The following KIAA1217 variants were observed in gnomAD, a reference collection of about 807,000 sequenced individuals.
KIAA1217 encodes sickle tail protein homolog.
KIAA1217 carries 88 observed loss-of-function variants against 163.9 expected under a neutral mutation model. That is an observed-to-expected ratio of 0.54 (90% CI 0.45 to 0.64). The LOEUF is 0.64. Ranked by LOEUF, KIAA1217 falls within the 30% of genes least tolerant of loss-of-function variation. KIAA1217 has a pLI of 0.00. For missense variants in KIAA1217, 2,372 were observed against 2,475.0 expected (o/e 0.96, Z 0.88); for synonymous variants, 903 against 923.1 (o/e 0.98, Z 0.39).
chr10:23,860,845 T>C (rs1839918542), intron 1 of KIAA1217, among the ~76,000 whole-genome samples: 1 of 152,080 alleles, frequency 6.6e-6, no homozygotes, highest in African/African-American at 2.4e-5. Flanking sequence ...ATTTTTCTTT[T>C]TTTCTATTTT....
chr10:24,330,360 G>A (rs1487041988), intron 2 of KIAA1217, among the ~76,000 whole-genome samples: 1 of 151,912 alleles, frequency 6.6e-6, no homozygotes, highest in Non-Finnish European at 1.5e-5. Flanking sequence ...TTACCCTTTG[G>A]ACATTTTTTG....
intron 1 of KIAA1217, among the ~76,000 whole-genome samples, chr10:23,779,080 A>G (rs1453322817): frequency 6.6e-6 from 1 of 152,170 alleles, no homozygotes; most frequent in Admixed American, 6.6e-5. Flanking sequence ...TTTATAAGAT[A>G]ACTTTCCTGC....
At chr10:24,310,049 C>T (rs1255456604) in intron 2 of KIAA1217, among the ~76,000 whole-genome samples, 1 of 152,206 alleles carries the variant, frequency 6.6e-6, no homozygotes, top group Non-Finnish European at 1.5e-5. Context: ...GTGCTATCAC[C>T]TCCTGAGTTT....
In KIAA1217 at chr10:24,544,323, C is replaced by A. The variant is rs1262986972; in HGVS notation, c.5053C>A (p.Pro1685Thr). Residue 1685 changes from proline to threonine, a missense_variant, in exon 19 of 21, where the codon CCC (proline) becomes ACC (threonine). Physicochemically the swap from Pro to Thr is conservative, Grantham distance 38 (BLOSUM62 -1). This residue lies in a region of KIAA1217 where 690 missense variants were observed against 677.5 expected (regional missense o/e 1.02). Coordinates refer to ENST00000376454, the MANE Select transcript of KIAA1217 (RefSeq NM_019590.5). ...QLENTISEMS[P>T]KALVDTSCSS... ...CGAAAATACAATCAGTGAAATGAGT[C>A]CCAAAGCCCTAGTTGATACCTCATG... The A allele has an allele frequency of 6.2e-7, 1 of 1,614,092 alleles. No individual in the cohort carries two copies. Among genetic ancestry groups the A allele is most frequent in the Non-Finnish European group, 8.5e-7 (1 of 1,180,020 alleles).
At chr10:24,009,195 A>C (rs1275410458) in intron 2 of KIAA1217, among the ~76,000 whole-genome samples, 1 of 152,206 alleles carries the variant, frequency 6.6e-6, no homozygotes, top group Non-Finnish European at 1.5e-5. Context: ...TTAAAACTTA[A>C]CTGGCATCTT....
chr10:23,824,658 A>T (rs12765446), intron 1 of KIAA1217, among the ~76,000 whole-genome samples: 25,048 of 52,128 alleles, frequency 0.48, 7,875 homozygotes, highest in Non-Finnish European at 0.6. Context: ...AAATAAAAAA[A>T]ATATATATAT....
At chr10:23,893,361 A>G (rs551275685) in intron 1 of KIAA1217, among the ~76,000 whole-genome samples, 2 of 151,654 alleles carry the variant, frequency 1.3e-5, no homozygotes, top group Admixed American at 6.6e-5. Flanking sequence ...TTTTTATTGC[A>G]TCTATTTGAT....
chr10:23,940,673 A>T (rs959875151), intron 1 of KIAA1217, among the ~76,000 whole-genome samples: 7 of 152,150 alleles, frequency 4.6e-5, no homozygotes, highest in Non-Finnish European at 1.0e-4. Flanking sequence ...TTTTACTAAG[A>T]TAGGTCATAT....
intron 1 of KIAA1217, among the ~76,000 whole-genome samples, chr10:23,840,263 C>A (rs1009598283): frequency 1.3e-5 from 2 of 151,866 alleles, no homozygotes; most frequent in Non-Finnish European, 2.9e-5. Flanking sequence ...TCAAGCAATT[C>A]TTCTGCCTCA....
chr10:24,099,073 C>T (rs888008494), intron 2 of KIAA1217, among the ~76,000 whole-genome samples: 1 of 152,112 alleles, frequency 6.6e-6, no homozygotes, highest in Non-Finnish European at 1.5e-5. Context: ...TCTAATCTTG[C>T]CCAGGAGTCC....
intron 1 of KIAA1217, among the ~76,000 whole-genome samples, chr10:23,842,893 A>G (rs1374092906): frequency 6.6e-6 from 1 of 152,156 alleles, no homozygotes. Context: ...CACTGATATG[A>G]AAGGAATTAA....
At position 23,903,892 on chromosome 10, in the gene KIAA1217, C is replaced by T. The variant is rs563531070; in HGVS notation, c.-320-103333C>T. Among the ~76,000 whole-genome samples the T allele has an allele frequency of 2.2e-4, 34 of 152,248 alleles. 1 individual carries two copies. In the South Asian group the frequency reaches 4.6e-3, roughly 20 times the overall value. ...AAAAAGAAATGATTTCATACAATGTCAGCCATATATCTTCAGATTATCAAG... is the reference window on the plus strand; with the variant it reads ...AAAAAGAAATGATTTCATACAATGTTAGCCATATATCTTCAGATTATCAAG... On this transcript the variant is annotated intron_variant, in intron 1 of 18. Coordinates refer to the KIAA1217 transcript ENST00000376462.
At chr10:24,345,517 A>G (rs768345560) in intron 2 of KIAA1217, among the ~76,000 whole-genome samples, 4 of 152,240 alleles carry the variant, frequency 2.6e-5, no homozygotes, top group South Asian at 2.1e-4. Context: ...GAATAAATGA[A>G]TGAACCTAAG....
At chr10:23,949,142 A>T (rs1236731420) in intron 1 of KIAA1217, among the ~76,000 whole-genome samples, 1 of 152,202 alleles carries the variant, frequency 6.6e-6, no homozygotes, top group Admixed American at 6.5e-5. Flanking sequence ...GATTCATATG[A>T]TCCTCCCATG....
In KIAA1217 at chr10:24,501,552, C is replaced by T; in HGVS notation, c.2001+7C>T. 6.2e-7 allele frequency: 1 copy of T among 1,610,382 alleles called. No homozygotes were observed. The highest frequency in any genetic ancestry group is 8.5e-7 in the Non-Finnish European group (1 of 1,178,422). ...GCAGATGCGGCAGCTCCAGGTATTC[C>T]TCATGCACGGCGGCCTCTGTCTCGG... On this transcript the variant is annotated splice_region_variant and intron_variant, in intron 9 of 20. Transcript: ENST00000376454.
At chr10:24,250,690 C>A (rs1304292494) in intron 2 of KIAA1217, among the ~76,000 whole-genome samples, 1 of 80,060 alleles carries the variant, frequency 1.2e-5, no homozygotes, top group African/African-American at 5.0e-5. Flanking sequence ...GATCTGCCCA[C>A]CCCCCGCCCC....
chr10:24,083,378 T>G (rs975654466), intron 2 of KIAA1217, among the ~76,000 whole-genome samples: 4 of 152,218 alleles, frequency 2.6e-5, no homozygotes, highest in Non-Finnish European at 4.4e-5. Context: ...GGCCCTAATG[T>G]TCACTATTTG....
At chr10:24,497,502 G>C (rs1231941298) in intron 8 of KIAA1217, among the ~76,000 whole-genome samples, 1 of 152,146 alleles carries the variant, frequency 6.6e-6, no homozygotes, top group Non-Finnish European at 1.5e-5. Flanking sequence ...GAAGGCTGAA[G>C]TGGGAGGACT....
intron 2 of KIAA1217, among the ~76,000 whole-genome samples, chr10:24,050,042 A>G (rs1243871556): frequency 6.6e-6 from 1 of 152,154 alleles, no homozygotes; most frequent in Non-Finnish European, 1.5e-5. Context: ...TTTGATTTGC[A>G]TTTCTCTAAT....
Sources: gnomAD v4.1 joint callset for allele counts (sites outside exome capture counted in the v4.1 genomes callset) on GRCh38, gnomAD v4.1.1 for gene constraint, gnomAD v4.1.1 regional missense constraint, MANE v1.5 for transcripts, NCBI Gene and HGNC (gene_info 2026-07-23, HGNC 2026-07-21) for gene names.